RAB3IP: variants seen among roughly 807,000 people sequenced by gnomAD.
The protein encoded by RAB3IP is rab-3A-interacting protein.
Under a neutral mutation model 59.1 loss-of-function variants are expected in RAB3IP, and 36 were observed. That is an observed-to-expected ratio of 0.61 (90% CI 0.47 to 0.80). The LOEUF is 0.80. Among genes scored for constraint, RAB3IP ranks in the 30% least tolerant of loss-of-function variants. The pLI is 0.00. For missense variants in RAB3IP, 511 were observed against 536.0 expected (o/e 0.95, Z 0.46); for synonymous variants, 207 against 191.2 (o/e 1.08, Z -0.68).
intron 4 of RAB3IP, among the ~76,000 whole-genome samples, chr12:69,789,121 A>G (rs1876201358): frequency 6.6e-6 from 1 of 152,086 alleles, no homozygotes; most frequent in South Asian, 2.1e-4. Context: ...AAGGAATTAG[A>G]AGGAGAACAA....
rs111848979 is a variant in RAB3IP at position 69,798,237 on chromosome 12, C to G, written c.889-1972C>G. 4.2e-3 allele frequency among the ~76,000 whole-genome samples: 643 copies of G among 152,178 alleles called. 13 individuals are homozygous for G. The highest frequency in any genetic ancestry group is 0.015 in the African/African-American group (629 of 41,506). ...CATTGTAACTGGTGTGAGATGGTAT[C>G]TCATTGTGGTTTTGATTTGCATTTC... On this transcript the variant is annotated intron_variant, in intron 6 of 10. Transcript: ENST00000247833.
At chr12:69,748,139 G>A (rs1868646560) in intron 1 of RAB3IP, among the ~76,000 whole-genome samples, 1 of 151,500 alleles carries the variant, frequency 6.6e-6, no homozygotes, top group Non-Finnish European at 1.5e-5. Context: ...CAAATTAGGG[G>A]AATGTGCTTT....
chr12:69,789,169 A>C (rs1184914255), intron 4 of RAB3IP, among the ~76,000 whole-genome samples: 1 of 152,180 alleles, frequency 6.6e-6, no homozygotes, highest in East Asian at 1.9e-4. Flanking sequence ...GGAATAACAA[A>C]GATCAGAGTA....
At chr12:69,748,818 A>G (rs961019202) in intron 1 of RAB3IP, among the ~76,000 whole-genome samples, 1 of 152,232 alleles carries the variant, frequency 6.6e-6, no homozygotes, top group African/African-American at 2.4e-5. Flanking sequence ...GACGTATGTG[A>G]AATAAATCTT....
chr12:69,806,827 T>C (rs1452216220), intron 8 of RAB3IP, among the ~76,000 whole-genome samples: 4 of 152,146 alleles, frequency 2.6e-5, no homozygotes, highest in Non-Finnish European at 5.9e-5. Flanking sequence ...AAAGCACATC[T>C]TGCACTGCCC....
intron 3 of RAB3IP, among the ~76,000 whole-genome samples, chr12:69,761,486 C>G (rs930082481): frequency 6.6e-6 from 1 of 152,080 alleles, no homozygotes; most frequent in African/African-American, 2.4e-5. Context: ...AATCTAATCC[C>G]TGTTCCTCTA....
intron 3 of RAB3IP, among the ~76,000 whole-genome samples, chr12:69,761,880 T>G (rs890251893): frequency 6.6e-6 from 1 of 152,234 alleles, no homozygotes; most frequent in Admixed American, 6.5e-5. Context: ...CTCTGTGAAA[T>G]AATTCAGAGA....
chr12:69,759,386 T>A (rs1246574449), intron 3 of RAB3IP, among the ~76,000 whole-genome samples: 2 of 152,172 alleles, frequency 1.3e-5, no homozygotes, highest in Non-Finnish European at 2.9e-5. Flanking sequence ...TCTACTTCTT[T>A]CTACACAGAC....
At chr12:69,808,463 G>A (rs984640070) in intron 8 of RAB3IP, among the ~76,000 whole-genome samples, 4 of 152,158 alleles carry the variant, frequency 2.6e-5, no homozygotes, top group East Asian at 1.9e-4. Flanking sequence ...TTTCTGTCTC[G>A]TTGATCTGTG....
At chr12:69,740,714 T>G (rs921245120) in intron 1 of RAB3IP, among the ~76,000 whole-genome samples, 1 of 152,230 alleles carries the variant, frequency 6.6e-6, no homozygotes, top group African/African-American at 2.4e-5. Flanking sequence ...TTACCTTTGA[T>G]TTTGTCTAAA....
intron 3 of RAB3IP, among the ~76,000 whole-genome samples, chr12:69,759,130 C>T (rs12366390): frequency 0.081 from 11,529 of 141,514 alleles, 552 homozygotes; most frequent in Middle Eastern, 0.13. Context: ...GAGGACCCTG[C>T]GGCCTTCCGC....
intron 3 of RAB3IP, among the ~76,000 whole-genome samples, chr12:69,767,256 A>G (rs749313679): frequency 4.6e-5 from 7 of 151,872 alleles, no homozygotes; most frequent in South Asian, 2.1e-4. Flanking sequence ...AGTTCTGTGC[A>G]CTTCTTTCAG....
rs1227596315 is a variant in RAB3IP, at chr12:69,822,158, A to C, written c.*6712A>C. The C allele has an allele frequency of 6.6e-6, 1 of 152,126 alleles. No individual in the cohort carries two copies. 9.4% of individuals were successfully genotyped at this position (152,126 alleles called of 1,614,324 possible). A position where few individuals can be genotyped will look rare whatever the true frequency, so the allele number is the denominator to read the frequency against. On this transcript the variant is annotated 3_prime_UTR_variant, in exon 11 of 11. Transcript: ENST00000247833. ...GGGTTAGCCAGAGGCTACATGTTTT[A>C]GGCATCTTAATTCATATTTTATCTA...
rs1876441795 is a variant in RAB3IP at position 69,790,571 on chromosome 12, G to A, written c.607-3866G>A. ...AAGTTCATATGGAGCTACAAAAAAC[G>A]TTAATAGCCAAAGTAATTTTTTTTT... On this transcript the variant is annotated intron_variant, in intron 4 of 10. Transcript: ENST00000247833. Among the ~76,000 whole-genome samples, 3 of 151,934 alleles carry A rather than the reference G, an allele frequency of 2.0e-5. No individual in the cohort carries two copies. The South Asian group carries it at 6.2e-4, about 32-fold the overall frequency.
At chr12:69,792,830 A>G (rs1002221425) in intron 4 of RAB3IP, among the ~76,000 whole-genome samples, 2 of 152,192 alleles carry the variant, frequency 1.3e-5, no homozygotes, top group Non-Finnish European at 2.9e-5. Context: ...ACCTTCAAAC[A>G]TATTTTAAAA....
intron 8 of RAB3IP, among the ~76,000 whole-genome samples, chr12:69,807,266 C>T (rs1408528178): frequency 6.6e-6 from 1 of 150,846 alleles, no homozygotes; most frequent in Non-Finnish European, 1.5e-5. Context: ...CTCCTCACCT[C>T]CCAGACGGGG....
intron 1 of RAB3IP, among the ~76,000 whole-genome samples, chr12:69,750,176 T>C (rs1405779156): frequency 6.6e-6 from 1 of 152,162 alleles, no homozygotes; most frequent in Non-Finnish European, 1.5e-5. Context: ...GCGCTATGCT[T>C]AATATTTAGT....
At chr12:69,747,276 T>G (rs539948450) in intron 1 of RAB3IP, among the ~76,000 whole-genome samples, 1 of 151,232 alleles carries the variant, frequency 6.6e-6, no homozygotes, top group East Asian at 1.9e-4. Context: ...AGGTACAGTT[T>G]TCTCCCCTTG....
At chr12:69,746,080 A>T (rs1055044868) in intron 1 of RAB3IP, among the ~76,000 whole-genome samples, 1 of 152,188 alleles carries the variant, frequency 6.6e-6, no homozygotes, top group Non-Finnish European at 1.5e-5. Flanking sequence ...CCATACGTAT[A>T]TATGCCTCCA....
Sources: gnomAD v4.1 joint callset for allele counts (sites outside exome capture counted in the v4.1 genomes callset) on GRCh38, gnomAD v4.1.1 for gene constraint, MANE v1.5 for transcripts, NCBI Gene and HGNC (gene_info 2026-07-23, HGNC 2026-07-21) for gene names.